CACNA2D1: variants seen among roughly 807,000 people sequenced by gnomAD.
CACNA2D1 encodes the protein voltage-dependent calcium channel subunit alpha-2/delta-1.
A neutral mutation model predicts 171.5 loss-of-function variants in CACNA2D1; 53 were observed. The ratio of observed to expected loss-of-function variants is 0.31; its 90% CI spans 0.25 to 0.39. CACNA2D1 has a LOEUF of 0.39. Ranked by LOEUF, CACNA2D1 falls within the 10% of genes least tolerant of loss-of-function variation. CACNA2D1 has a pLI of 1.00. For missense variants in CACNA2D1, 903 were observed against 1,299.8 expected (o/e 0.69, Z 4.69); for synonymous variants, 442 against 443.1 (o/e 1.00, Z 0.03).
At chr7:82,263,577 A>T (rs577217535) in intron 3 of CACNA2D1, among the ~76,000 whole-genome samples, 2 of 152,348 alleles carry the variant, frequency 1.3e-5, no homozygotes, top group South Asian at 4.1e-4. Flanking sequence ...ATGACTTTTT[A>T]AAAAATGAAA....
intron 12 of CACNA2D1, among the ~76,000 whole-genome samples, chr7:82,015,757 T>G (rs1485661559): frequency 6.6e-6 from 1 of 152,206 alleles, no homozygotes; most frequent in Non-Finnish European, 1.5e-5. Flanking sequence ...AATTGTTTTG[T>G]ATCTTTTAAC....
intron 38 of CACNA2D1, among the ~76,000 whole-genome samples, chr7:81,953,446 A>C (rs991081637): frequency 6.6e-6 from 1 of 152,108 alleles, no homozygotes; most frequent in Non-Finnish European, 1.5e-5. Flanking sequence ...TCTCTGCAAC[A>C]GGCCAAGCTG....
At chr7:82,066,593 T>G in intron 7 of CACNA2D1, 69 bp from the exon 8 acceptor site, 2 of 1,519,762 alleles carry the variant, frequency 1.3e-6, no homozygotes, top group South Asian at 1.3e-5. Context: ...AATGAGACTT[T>G]AAAAATCACA....
At chr7:82,045,313 A>G (rs1197072482) in intron 10 of CACNA2D1, among the ~76,000 whole-genome samples, 1 of 152,060 alleles carries the variant, frequency 6.6e-6, no homozygotes, top group Non-Finnish European at 1.5e-5. Flanking sequence ...GACCCTTCTC[A>G]TATATTAATT....
intron 5 of CACNA2D1, among the ~76,000 whole-genome samples, chr7:82,124,498 T>C (rs918616868): frequency 2.6e-5 from 4 of 152,122 alleles, no homozygotes; most frequent in Admixed American, 1.3e-4. Flanking sequence ...CCAAATCTTC[T>C]TCTGTAACTT....
chr7:82,326,312 G>T (rs1307865350), intron 3 of CACNA2D1, among the ~76,000 whole-genome samples: 1 of 152,078 alleles, frequency 6.6e-6, no homozygotes, highest in Non-Finnish European at 1.5e-5. Flanking sequence ...TGGGAAAATT[G>T]GTTTGTTATA....
chr7:82,005,587 C>T, intron 17 of CACNA2D1, 90 bp from the exon 18 acceptor site: 2 of 877,074 alleles, frequency 2.3e-6, no homozygotes, highest in Admixed American at 2.1e-5. Flanking sequence ...ATTAAATACA[C>T]ATTGTATAGC....
intron 1 of CACNA2D1, among the ~76,000 whole-genome samples, chr7:82,360,815 T>C (rs532834383): frequency 2.0e-5 from 3 of 152,292 alleles, no homozygotes; most frequent in African/African-American, 7.2e-5. Flanking sequence ...TAGCCCATAG[T>C]GTAATTTGCT....
intron 1 of CACNA2D1, among the ~76,000 whole-genome samples, chr7:82,368,029 C>G (rs1187337034): frequency 6.6e-6 from 1 of 152,090 alleles, no homozygotes; most frequent in East Asian, 1.9e-4. Context: ...AAGGGTGAAG[C>G]CATCGCATTA....
Position 82,120,195 on chromosome 7 carries a change from CTGTG to C in CACNA2D1, c.397-3026_397-3023del, listed in dbSNP as rs113662503. Among the ~76,000 whole-genome samples the C allele has an allele frequency of 5.3e-5, 8 of 151,512 alleles. No homozygotes were observed. In the East Asian group the frequency reaches 9.7e-4, roughly 18 times the overall value. Reference sequence around the variant, plus strand: ...AGACTGTGCACGCACGCACGTGTGTCTGTGTGTGTGTGTGCATGTGTGTAGGATC... The same window carrying C: ...AGACTGTGCACGCACGCACGTGTGTCTGTGTGTGTGCATGTGTGTAGGATC... On this transcript the variant is annotated intron_variant, in intron 5 of 38. Coordinates refer to ENST00000356860, the MANE Select transcript of CACNA2D1 (RefSeq NM_000722.4).
intron 6 of CACNA2D1, among the ~76,000 whole-genome samples, chr7:82,087,668 A>G (rs917790813): frequency 6.6e-6 from 1 of 152,110 alleles, no homozygotes; most frequent in African/African-American, 2.4e-5. Context: ...TTTCTGATCC[A>G]CATTATGCAT....
At chr7:82,310,558 A>G (rs904240499) in intron 3 of CACNA2D1, among the ~76,000 whole-genome samples, 1 of 152,046 alleles carries the variant, frequency 6.6e-6, no homozygotes, top group African/African-American at 2.4e-5. Flanking sequence ...ATGCAAAGCT[A>G]TAATTTGTTT....
intron 3 of CACNA2D1, among the ~76,000 whole-genome samples, chr7:82,287,659 T>C (rs189129508): frequency 1.7e-3 from 263 of 152,294 alleles, no homozygotes; most frequent in Non-Finnish European, 1.6e-3. Context: ...TACCATAGTA[T>C]GATTCCTTAA....
At chr7:82,174,317 T>G (rs531049201) in intron 3 of CACNA2D1, among the ~76,000 whole-genome samples, 1 of 152,092 alleles carries the variant, frequency 6.6e-6, no homozygotes, top group African/African-American at 2.4e-5. Flanking sequence ...AGCTTAATTC[T>G]GCTAATATTA....
rs1206698998 is a variant in CACNA2D1 at position 82,423,578 on chromosome 7, G to C, written c.95+19787C>G. Among the ~76,000 whole-genome samples, 3 of 152,128 alleles carry C rather than the reference G, an allele frequency of 2.0e-5. No individual in the cohort carries two copies. In the East Asian group the frequency reaches 5.8e-4, roughly 29 times the overall value. The stretch of plus-strand genomic sequence containing the variant: ...AACAAAATTCTGGCAAGGAACTACA[G>C]AGCTTGTAGTTCCTCGTCAAATAGC... On this transcript the variant is annotated intron_variant, in intron 1 of 38. Coordinates refer to ENST00000356860, the MANE Select transcript of CACNA2D1 (RefSeq NM_000722.4).
intron 1 of CACNA2D1, among the ~76,000 whole-genome samples, chr7:82,397,881 G>C (rs1825911783): frequency 6.6e-6 from 1 of 152,112 alleles, no homozygotes; most frequent in Admixed American, 6.6e-5. Context: ...AACTCTGAAA[G>C]ACTAAATGGC....
At chr7:82,005,214 C>T in intron 18 of CACNA2D1, 1 of 520,974 alleles carries the variant, frequency 1.9e-6, no homozygotes, top group Non-Finnish European at 3.5e-6. Context: ...AAAAATGTTG[C>T]AGCTAAATTG....
At chr7:82,181,303 G>T (rs2129170039) in intron 3 of CACNA2D1, among the ~76,000 whole-genome samples, 1 of 152,180 alleles carries the variant, frequency 6.6e-6, no homozygotes, top group Non-Finnish European at 1.5e-5. Context: ...TCTGGCTTCA[G>T]ACTCTCACTA....
chr7:82,103,060 C>A (rs552822551), intron 6 of CACNA2D1, among the ~76,000 whole-genome samples: 2 of 152,274 alleles, frequency 1.3e-5, no homozygotes, highest in South Asian at 2.1e-4. Context: ...GTAATCCCAG[C>A]ACTTTGGGAG....
Sources: gnomAD v4.1 joint callset for allele counts (sites outside exome capture counted in the v4.1 genomes callset) on GRCh38, gnomAD v4.1.1 for gene constraint, MANE v1.5 for transcripts, NCBI Gene and HGNC (gene_info 2026-07-23, HGNC 2026-07-21) for gene names.